GABRA2: variants seen among roughly 807,000 people sequenced by gnomAD.
GABRA2 encodes the protein gamma-aminobutyric acid type A receptor subunit alpha2.
Under a neutral mutation model 48.7 loss-of-function variants are expected in GABRA2, and 16 were observed. The observed-to-expected ratio is 0.33, with a 90% CI of 0.22 to 0.50. The LOEUF is 0.50. Ranked by LOEUF, GABRA2 falls within the 20% of genes least tolerant of loss-of-function variation. The pLI is 0.98. For missense variants in GABRA2, 275 were observed against 535.6 expected (o/e 0.51, Z 4.80); for synonymous variants, 185 against 184.5 (o/e 1.00, Z -0.02).
chr4:46,271,879 C>T (rs1719403294), intron 8 of GABRA2, among the ~76,000 whole-genome samples: 1 of 151,806 alleles, frequency 6.6e-6, no homozygotes, highest in South Asian at 2.1e-4. Context: ...TGTGAAGCTG[C>T]AGAGATATAA....
chr4:46,293,046 C>T (rs776113431), intron 8 of GABRA2, among the ~76,000 whole-genome samples: 3 of 152,158 alleles, frequency 2.0e-5, no homozygotes, highest in Non-Finnish European at 4.4e-5. Context: ...ACAGCAGAGG[C>T]ACAGCAGCTA....
chr4:46,321,206 A>T (rs1279680305), intron 4 of GABRA2, among the ~76,000 whole-genome samples: 1 of 151,906 alleles, frequency 6.6e-6, no homozygotes, highest in Non-Finnish European at 1.5e-5. Flanking sequence ...AATACATAGA[A>T]TAAAATGTTG....
In GABRA2 at chr4:46,262,161, A is replaced by T. The variant is rs765420861; in HGVS notation, c.857-33T>A. On this transcript the variant is annotated intron_variant, in intron 8 of 9. Transcript: ENST00000381620. The stretch of plus-strand genomic sequence containing the variant: ...AGAAAAGATAGGAATCGAAAACATC[A>T]ATAGGTACTAGCAGGACAGCATGGG... The T allele has an allele frequency of 3.8e-6, 6 of 1,575,130 alleles. No individual in the cohort carries two copies. In the South Asian group the frequency reaches 6.7e-5, roughly 17 times the overall value.
At chr4:46,362,222 G>A (rs1713320438) in intron 3 of GABRA2, among the ~76,000 whole-genome samples, 1 of 152,084 alleles carries the variant, frequency 6.6e-6, no homozygotes, top group African/African-American at 2.4e-5. Context: ...AATCATGAGG[G>A]TAGGTCTTTC....
chr4:46,376,934 G>T (rs1037173266), intron 3 of GABRA2, among the ~76,000 whole-genome samples: 2 of 152,110 alleles, frequency 1.3e-5, no homozygotes, highest in East Asian at 3.9e-4. Context: ...ACGGGGTTTC[G>T]CTGTGTTGGC....
chr4:46,278,301 G>T (rs502038), intron 8 of GABRA2, among the ~76,000 whole-genome samples: 90,927 of 151,876 alleles, frequency 0.6, 27,573 homozygotes, highest in South Asian at 0.76. Flanking sequence ...TCACACATAT[G>T]GTTCCATGGA....
rs1026922291 is a variant in GABRA2 at position 46,247,346 on chromosome 4, T to C, written c.*2962A>G. On this transcript the variant is annotated 3_prime_UTR_variant, in exon 10 of 10. Coordinates refer to ENST00000381620, the MANE Select transcript of GABRA2 (RefSeq NM_000807.4). ...TAGCTCATTAAAGAACTCCCAGTAC[T>C]AAATTAATTTACATGTTTTATATAG... 3.3e-5 allele frequency among the ~76,000 whole-genome samples: 5 copies of C among 151,316 alleles called. No individual in the cohort carries two copies. The highest frequency in any genetic ancestry group is 1.2e-4 in the African/African-American group (5 of 41,450).
intron 8 of GABRA2, among the ~76,000 whole-genome samples, chr4:46,297,701 C>T (rs1311416178): frequency 1.3e-5 from 2 of 151,374 alleles, no homozygotes; most frequent in African/African-American, 2.4e-5. Context: ...TAAGAACCAA[C>T]CTTTGGTCTT....
intron 3 of GABRA2, among the ~76,000 whole-genome samples, chr4:46,347,109 A>G (rs964160850): frequency 4.6e-5 from 7 of 151,994 alleles, no homozygotes; most frequent in African/African-American, 1.7e-4. Flanking sequence ...ATATAAATGA[A>G]AAGATACCTT....
intron 6 of GABRA2, 134 bp from the exon 7 acceptor site, chr4:46,305,845 A>G: frequency 1.6e-6 from 1 of 608,592 alleles, no homozygotes; most frequent in Non-Finnish European, 2.8e-6. Context: ...ATTTAGGGCA[A>G]AAATGTCTCA....
chr4:46,354,189 T>C (rs1318502077), intron 3 of GABRA2, among the ~76,000 whole-genome samples: 1 of 152,146 alleles, frequency 6.6e-6, no homozygotes, highest in Non-Finnish European at 1.5e-5. Flanking sequence ...AAAAAGTTTG[T>C]TACTTGCCCA....
intron 9 of GABRA2, among the ~76,000 whole-genome samples, chr4:46,260,056 G>A (rs374432153): frequency 1.3e-5 from 2 of 151,572 alleles, no homozygotes; most frequent in East Asian, 3.9e-4. Flanking sequence ...AACTTTCCAT[G>A]AAGGCAAAGA....
chr4:46,278,940 A>T (rs1721004528), intron 8 of GABRA2, among the ~76,000 whole-genome samples: 1 of 151,922 alleles, frequency 6.6e-6, no homozygotes. Flanking sequence ...AAGGAGGCAG[A>T]TATATTGATA....
rs553247914 is a variant in GABRA2, at chr4:46,280,826, G to A, written c.857-18698C>T. The stretch of plus-strand genomic sequence containing the variant: ...AATGGTGGAGCCCTGATCAAAATGG[G>A]ATTAGTGTGGTTATAAGAAGAGATG... On this transcript the variant is annotated intron_variant, in intron 8 of 9. Coordinates refer to ENST00000381620, the MANE Select transcript of GABRA2 (RefSeq NM_000807.4). Among the ~76,000 whole-genome samples, 30 of 152,234 alleles carry A rather than the reference G, an allele frequency of 2.0e-4. No homozygotes were observed. The South Asian group carries it at 6.2e-3, about 32-fold the overall frequency.
intron 7 of GABRA2, among the ~76,000 whole-genome samples, chr4:46,304,915 C>A (rs1386710858): frequency 9.1e-6 from 1 of 109,490 alleles, no homozygotes; most frequent in East Asian, 3.0e-4. Context: ...CAGAGCAAGA[C>A]TCTGTCTCAA....
chr4:46,249,028 C>CTGTGTG lies in GABRA2; in HGVS notation c.*1279_*1280insCACACA, dbSNP rs1444824447. 1 of 48,004 alleles carries CTGTGTG rather than the reference C, an allele frequency of 2.1e-5. No homozygotes were observed. The highest frequency in any genetic ancestry group is 7.4e-5 in the African/African-American group (1 of 13,582). The allele number at this position is 48,004 out of a possible 1,614,324, so 3.0% of individuals were successfully genotyped here. ...TTTAAAATTGTGTTTTCTAATTTAG[C>CTGTGTG]TGTGTATGTGTGTGTGTGTGTGTGT... On this transcript the variant is annotated 3_prime_UTR_variant, in exon 10 of 10. Coordinates refer to ENST00000381620, the MANE Select transcript of GABRA2 (RefSeq NM_000807.4).
chr4:46,374,284 C>T (rs535722720), intron 3 of GABRA2, among the ~76,000 whole-genome samples: 3 of 152,018 alleles, frequency 2.0e-5, no homozygotes, highest in Non-Finnish European at 4.4e-5. Flanking sequence ...TCTAAAAGTC[C>T]CCCATGACAT....
chr4:46,357,301 G>C (rs952553729), intron 3 of GABRA2, among the ~76,000 whole-genome samples: 1 of 150,634 alleles, frequency 6.6e-6, no homozygotes, highest in African/African-American at 2.4e-5. Flanking sequence ...TCTATGTCTA[G>C]TTTTTATTTG....
chr4:46,343,653 T>C (rs932074449), intron 3 of GABRA2, among the ~76,000 whole-genome samples: 2 of 151,982 alleles, frequency 1.3e-5, no homozygotes, highest in Non-Finnish European at 2.9e-5. Context: ...CGCTTTGTAA[T>C]TGTGTGAACT....
Sources: gnomAD v4.1 joint callset for allele counts (sites outside exome capture counted in the v4.1 genomes callset) on GRCh38, gnomAD v4.1.1 for gene constraint, MANE v1.5 for transcripts, NCBI Gene and HGNC (gene_info 2026-07-23, HGNC 2026-07-21) for gene names.